The following ARHGAP26 variants were observed in gnomAD, a reference collection of about 807,000 sequenced individuals.
The protein encoded by ARHGAP26 is rho GTPase-activating protein 26.
In ARHGAP26, 38 loss-of-function variants were observed where a neutral mutation model predicts 104.8. That is an observed-to-expected ratio of 0.36 (90% CI 0.28 to 0.48). The LOEUF is 0.48. Ranked by LOEUF, ARHGAP26 falls within the 20% of genes least tolerant of loss-of-function variation. The probability of loss-of-function intolerance (pLI) is 0.99; values close to 1 mark genes in which losing one functional copy is unlikely to be tolerated. For synonymous variants in ARHGAP26, 341 were observed against 340.0 expected, an observed-to-expected ratio of 1.00 and a Z score of -0.03; for missense variants, 704 against 947.9, an observed-to-expected ratio of 0.74 and a Z score of 3.38.
intron 11 of ARHGAP26, among the ~76,000 whole-genome samples, chr5:142,939,230 G>A (rs139765809): frequency 2.6e-5 from 4 of 152,218 alleles, no homozygotes; most frequent in Admixed American, 6.5e-5. Flanking sequence ...CTATTTTTGC[G>A]CAACACACAA....
intron 1 of ARHGAP26, among the ~76,000 whole-genome samples, chr5:142,787,995 C>CTTTT (rs71576156): frequency 2.3e-5 from 3 of 132,858 alleles, no homozygotes; most frequent in African/African-American, 5.6e-5. Context: ...TTAACCAATT[C>CTTTT]TTTTTTTTTT....
At chr5:142,850,475 G>A (rs1056694181) in intron 1 of ARHGAP26, among the ~76,000 whole-genome samples, 14 of 152,168 alleles carry the variant, frequency 9.2e-5, no homozygotes, top group African/African-American at 3.4e-4. Context: ...ACAACATTCT[G>A]TATTTTTGAA....
intron 11 of ARHGAP26, among the ~76,000 whole-genome samples, chr5:142,957,044 A>G (rs1769368973): frequency 6.6e-6 from 1 of 152,204 alleles, no homozygotes; most frequent in African/African-American, 2.4e-5. Context: ...GACCTCTTGA[A>G]TTGTGTACGT....
chr5:143,117,661 G>A (rs908721404), intron 17 of ARHGAP26, among the ~76,000 whole-genome samples: 14 of 152,310 alleles, frequency 9.2e-5, no homozygotes, highest in African/African-American at 2.9e-4. Flanking sequence ...TATATTCAGA[G>A]TTGCTAATCC....
intron 11 of ARHGAP26, among the ~76,000 whole-genome samples, chr5:143,009,732 A>T (rs957699339): frequency 6.6e-6 from 1 of 152,236 alleles, no homozygotes; most frequent in Non-Finnish European, 1.5e-5. Flanking sequence ...ACAAATCTTC[A>T]TATACAATGG....
At chr5:143,044,722 T>G (rs1395283041) in intron 14 of ARHGAP26, among the ~76,000 whole-genome samples, 1 of 152,212 alleles carries the variant, frequency 6.6e-6, no homozygotes, top group Non-Finnish European at 1.5e-5. Context: ...CTAATACAGA[T>G]GTAACAATAT....
rs1249121313 is a variant in ARHGAP26 at position 142,928,128 on chromosome 5, T to G, written c.1029-3919T>G. 2.0e-5 allele frequency among the ~76,000 whole-genome samples: 3 copies of G among 152,166 alleles called. No individual in the cohort carries two copies. In the East Asian group the frequency reaches 5.8e-4, roughly 29 times the overall value. ...TTTTAATTTTTTAAATAAAAGTAAT[T>G]AAGTAATTAAATTCATCTTTTGATG... is the stretch of plus-strand genomic sequence containing the variant. On this transcript the variant is annotated intron_variant, in intron 10 of 22. Transcript: ENST00000645722.
chr5:142,865,045 G>A (rs1250103525), intron 1 of ARHGAP26, among the ~76,000 whole-genome samples: 1 of 152,132 alleles, frequency 6.6e-6, no homozygotes, highest in Non-Finnish European at 1.5e-5. Context: ...ATTAAGAAAT[G>A]TCCACAGTCT....
chr5:142,809,161 ATG>A (rs2152007132), intron 1 of ARHGAP26, among the ~76,000 whole-genome samples: 1 of 152,352 alleles, frequency 6.6e-6, no homozygotes, highest in African/African-American at 2.4e-5. Flanking sequence ...ACTCTATAAA[ATG>A]TGCGTTTTCA....
chr5:142,919,434 G>C (rs1329344108), intron 10 of ARHGAP26: 1 of 398,568 alleles, frequency 2.5e-6, no homozygotes, highest in African/African-American at 2.1e-5. Context: ...ATAAATTTCT[G>C]TTGATTAAGC....
At chr5:143,175,904 A>G (rs1365197410) in intron 20 of ARHGAP26, among the ~76,000 whole-genome samples, 1 of 152,182 alleles carries the variant, frequency 6.6e-6, no homozygotes, top group Admixed American at 6.5e-5. Flanking sequence ...AACTGAGGTC[A>G]GGAGTTCGAG....
chr5:142,988,494 G>A (rs1775110524), intron 11 of ARHGAP26, among the ~76,000 whole-genome samples: 1 of 152,022 alleles, frequency 6.6e-6, no homozygotes, highest in Non-Finnish European at 1.5e-5. Context: ...GTCTCCTCCA[G>A]TTCTGCTCTG....
intron 1 of ARHGAP26, among the ~76,000 whole-genome samples, chr5:142,776,012 T>G (rs1386745656): frequency 1.3e-5 from 2 of 152,252 alleles, no homozygotes; most frequent in Non-Finnish European, 2.9e-5. Flanking sequence ...ATATTTATAT[T>G]TATTCCTTTC....
chr5:142,890,068 G>A (rs1443193137), intron 5 of ARHGAP26, among the ~76,000 whole-genome samples: 6 of 146,782 alleles, frequency 4.1e-5, no homozygotes, highest in African/African-American at 7.6e-5. Flanking sequence ...CCTGGGAGGC[G>A]GAGGTTGCGG....
chr5:142,772,661 C>T (rs181004070), intron 1 of ARHGAP26: 3 of 487,800 alleles, frequency 6.2e-6, no homozygotes, highest in Non-Finnish European at 1.3e-5. Context: ...GAAGCATTAC[C>T]TCTGAGTCAC....
chr5:142,802,467 C>A (rs1407898126), intron 1 of ARHGAP26, among the ~76,000 whole-genome samples: 1 of 152,124 alleles, frequency 6.6e-6, no homozygotes, highest in Non-Finnish European at 1.5e-5. Flanking sequence ...AAAATGGATT[C>A]TTGAATAATG....
At chr5:143,183,066 A>G (rs2151200202) in intron 20 of ARHGAP26, among the ~76,000 whole-genome samples, 1 of 144,006 alleles carries the variant, frequency 6.9e-6, no homozygotes, top group South Asian at 2.2e-4. Flanking sequence ...ATGCAAATGA[A>G]AAGTGGCAAA....
intron 10 of ARHGAP26, among the ~76,000 whole-genome samples, chr5:142,926,254 C>G (rs1490730990): frequency 6.6e-6 from 1 of 152,110 alleles, no homozygotes; most frequent in Non-Finnish European, 1.5e-5. Flanking sequence ...AGATGGAGAG[C>G]TGTTTTCTCC....
At chr5:142,794,595 A>G (rs1244317065) in intron 1 of ARHGAP26, among the ~76,000 whole-genome samples, 1 of 152,192 alleles carries the variant, frequency 6.6e-6, no homozygotes, top group Non-Finnish European at 1.5e-5. Context: ...GTATTTTAGT[A>G]TTAGGCACCA....
Sources: gnomAD v4.1 joint callset for allele counts (sites outside exome capture counted in the v4.1 genomes callset) on GRCh38, gnomAD v4.1.1 for gene constraint, MANE v1.5 for transcripts, NCBI Gene and HGNC (gene_info 2026-07-23, HGNC 2026-07-21) for gene names.